Variants in RRP36 observed in about 807,000 individuals in gnomAD.
RRP36 encodes ribosomal RNA processing protein 36 homolog.
RRP36 carries 44 observed loss-of-function variants against 39.8 expected under a neutral mutation model. The observed-to-expected ratio is 1.10, with a 90% CI of 0.87 to 1.42. The LOEUF (loss-of-function observed/expected upper bound fraction) is 1.42. Ranked by LOEUF, RRP36 falls within the 40% of genes most tolerant of loss-of-function variation. RRP36 has a pLI of 0.00. For synonymous variants in RRP36, 124 were observed against 123.1 expected (o/e 1.01, Z -0.05); for missense variants, 316 against 322.4 (o/e 0.98, Z 0.15).
Position 43,027,194 on chromosome 6 carries a change from T to C in RRP36, c.467T>C (p.Leu156Ser). Residue 156 changes from leucine to serine, a missense_variant, in exon 5 of 7, where the codon TTG becomes TCG. Transcript: ENST00000244496. ...AKEKELVKKQ[L>S]KKHLSGEEHE... Reference sequence around the variant, plus strand: ...AATGTGGAGCTTGTGAAAAAACAGTTGAAGAAGCACCTTTCAGGAGAGGAG... The same window carrying C: ...AATGTGGAGCTTGTGAAAAAACAGTCGAAGAAGCACCTTTCAGGAGAGGAG... 1 of 1,614,132 alleles carries C rather than the reference T, an allele frequency of 6.2e-7. No homozygotes were observed. The highest frequency in any genetic ancestry group is 1.1e-5 in the South Asian group (1 of 91,080).
intron 1 of RRP36, among the ~76,000 whole-genome samples, chr6:43,023,703 A>G: frequency 6.6e-6 from 1 of 152,044 alleles, no homozygotes; most frequent in Non-Finnish European, 1.5e-5. Context: ...TAAATAAGTA[A>G]AATTTAAGGG....
chr6:43,023,823 G>A (rs1370475593), intron 1 of RRP36, among the ~76,000 whole-genome samples: 1 of 151,426 alleles, frequency 6.6e-6, no homozygotes, highest in East Asian at 1.9e-4. Context: ...GGTGATAGAG[G>A]ATATGGAGAA....
In RRP36 at chr6:43,025,192, C is replaced by T. The variant is rs925716008; in HGVS notation, c.278+60C>T. The T allele has an allele frequency of 9.3e-6, 15 of 1,612,306 alleles. 1 individual carries two copies. The Admixed American group carries it at 2.3e-4, about 25-fold the overall frequency. On this transcript the variant is annotated intron_variant, in intron 2 of 6. Coordinates refer to ENST00000244496, the MANE Select transcript of RRP36 (RefSeq NM_033112.4). Reference sequence around the variant, plus strand: ...CTGGGACCTTGAATAGGTATGTTGTCTTGGGTGACAGGTGGGAAGCCTTTG... The same window carrying T: ...CTGGGACCTTGAATAGGTATGTTGTTTTGGGTGACAGGTGGGAAGCCTTTG...
At chr6:43,026,656 G>T (rs1235124314) in intron 4 of RRP36, among the ~76,000 whole-genome samples, 1 of 150,048 alleles carries the variant, frequency 6.7e-6, no homozygotes, top group East Asian at 2.0e-4. Context: ...CTGGGCAGCA[G>T]GGCAAGACTG....
chr6:43,026,685 C>T (rs1349710163), intron 4 of RRP36, among the ~76,000 whole-genome samples: 1 of 151,062 alleles, frequency 6.6e-6, no homozygotes, highest in African/African-American at 2.4e-5. Flanking sequence ...CAAACAGTTA[C>T]TGTCTTGGTG....
chr6:43,025,235 C>T, intron 2 of RRP36, 28 bp from the exon 3 acceptor site: 1 of 1,613,936 alleles, frequency 6.2e-7, no homozygotes, highest in Non-Finnish European at 8.5e-7. Flanking sequence ...CTGGAGTCCT[C>T]TTGACTTGGC....
At chr6:43,028,513 T>TCA (rs1490059150) in intron 6 of RRP36, among the ~76,000 whole-genome samples, 1 of 149,710 alleles carries the variant, frequency 6.7e-6, no homozygotes, top group African/African-American at 2.5e-5. Flanking sequence ...CTGGGTGTGG[T>TCA]GCTGTGCATC....
rs576069295 is a variant in RRP36, at chr6:43,029,035, G to A, written c.644-57G>A. On this transcript the variant is annotated intron_variant, in intron 6 of 6. Transcript: ENST00000244496. ...GGCTTGGAGTTACTGACCTGGTTTG[G>A]GAAAGAATAGGGGCTTCCTTCTTTG... 3.1e-6 allele frequency: 5 copies of A among 1,603,336 alleles called. No individual in the cohort carries two copies. In the East Asian group the frequency reaches 1.1e-4, roughly 36 times the overall value.
intron 1 of RRP36, among the ~76,000 whole-genome samples, 188 bp downstream of exon 1, chr6:43,021,972 A>G (rs1195918901): frequency 2.0e-5 from 3 of 152,240 alleles, no homozygotes; most frequent in African/African-American, 7.2e-5. Flanking sequence ...ACATCCTGAG[A>G]AGTTTCTTCA....
At chr6:43,027,726 A>G (rs1295554640) in intron 6 of RRP36, among the ~76,000 whole-genome samples, 2 of 44,992 alleles carry the variant, frequency 4.4e-5, no homozygotes, top group Non-Finnish European at 7.7e-5. Context: ...CCCCCCCCCA[A>G]CACACACACA....
intron 3 of RRP36, among the ~76,000 whole-genome samples, chr6:43,025,636 A>T (rs1334697566): frequency 6.6e-6 from 1 of 150,974 alleles, no homozygotes; most frequent in Non-Finnish European, 1.5e-5. Context: ...AAAAAAAAAA[A>T]AAAAAAAAAT....
At chr6:43,023,672 C>CA (rs1326020823) in intron 1 of RRP36, among the ~76,000 whole-genome samples, 1 of 151,754 alleles carries the variant, frequency 6.6e-6, no homozygotes, top group African/African-American at 2.4e-5. Context: ...AGCCTCGTGA[C>CA]AGAGTGAGTC....
intron 6 of RRP36, among the ~76,000 whole-genome samples, chr6:43,027,937 T>G (rs1409914530): frequency 2.0e-5 from 3 of 152,076 alleles, no homozygotes; most frequent in Non-Finnish European, 4.4e-5. Context: ...GTTTTGTTTC[T>G]TGGTCTACAC....
rs1581882316 is a variant in RRP36, at chr6:43,021,719, C to G, written c.65C>G (p.Ala22Gly). ...AGAGARRPRG[A>G]RDREEDGGGL... is the part of the protein sequence containing the mutation. ...GCCGGGGCCCGACGTCCCCGCGGGG[C>G]CCGGGACCGCGAGGAGGACGGCGGG... Residue 22 changes from alanine (A) to glycine (G), a missense_variant, in exon 1 of 7, where the codon GCC becomes GGC. Physicochemically the swap from Ala to Gly is moderately conservative, Grantham distance 60. Coordinates refer to ENST00000244496, the MANE Select transcript of RRP36 (RefSeq NM_033112.4). 2 of 1,228,630 alleles carry G rather than the reference C, an allele frequency of 1.6e-6. No individual in the cohort carries two copies. The highest frequency in any genetic ancestry group is 8.2e-5 in the South Asian group (2 of 24,484). The allele number at this position is 1,228,630 out of a possible 1,614,324, so 76.1% of individuals were successfully genotyped here. A position where few individuals can be genotyped will look rare whatever the true frequency, so the allele number is the denominator to read the frequency against.
chr6:43,022,122 T>C (rs1219866377), intron 1 of RRP36, among the ~76,000 whole-genome samples: 1 of 152,166 alleles, frequency 6.6e-6, no homozygotes. Flanking sequence ...TTTTTTTTTT[T>C]TGAGACGGAG....
rs919830277 is a variant in RRP36 at position 43,025,826 on chromosome 6, A to G, written c.346-211A>G. On this transcript the variant is annotated intron_variant, in intron 3 of 6. Coordinates refer to ENST00000244496, the MANE Select transcript of RRP36 (RefSeq NM_033112.4). ...CGGGTGCCTGTAGTCCTAGCTACTC[A>G]GGAGGCTGAGGCAGGAGAATGGTGT... 5.9e-5 allele frequency among the ~76,000 whole-genome samples: 9 copies of G among 152,008 alleles called. No homozygotes were observed. In the South Asian group the frequency reaches 6.2e-4, roughly 11 times the overall value.
In RRP36 at chr6:43,024,576, G is replaced by A. The variant is rs1762777303; in HGVS notation, c.131-409G>A. 2.6e-5 allele frequency among the ~76,000 whole-genome samples: 4 copies of A among 152,182 alleles called. No homozygotes were observed. In the South Asian group the frequency reaches 8.3e-4, roughly 32 times the overall value. Reference sequence around the variant, plus strand: ...CATAGCTTTGAGAGGAGTGAGGCTGGTGGTTGGGAGACTAGGAGGCTAGAG... The same window carrying A: ...CATAGCTTTGAGAGGAGTGAGGCTGATGGTTGGGAGACTAGGAGGCTAGAG... On this transcript the variant is annotated intron_variant, in intron 1 of 6. Coordinates refer to ENST00000244496, the MANE Select transcript of RRP36 (RefSeq NM_033112.4).
intron 1 of RRP36, among the ~76,000 whole-genome samples, chr6:43,024,473 A>T (rs1488060476): frequency 6.6e-6 from 1 of 152,148 alleles, no homozygotes; most frequent in Non-Finnish European, 1.5e-5. Context: ...TGTAGGAGTA[A>T]CATGATCTGA....
intron 6 of RRP36, among the ~76,000 whole-genome samples, chr6:43,028,415 CAAG>C (rs1332025674): frequency 6.7e-6 from 1 of 149,010 alleles, no homozygotes; most frequent in African/African-American, 2.5e-5. Context: ...TTTGGGAGGC[CAAG>C]GAGGGCAGAT....
Sources: gnomAD v4.1 joint callset for allele counts (sites outside exome capture counted in the v4.1 genomes callset) on GRCh38, gnomAD v4.1.1 for gene constraint, MANE v1.5 for transcripts, NCBI Gene and HGNC (gene_info 2026-07-23, HGNC 2026-07-21) for gene names.